The following EYS variants were observed in gnomAD, a reference collection of about 807,000 sequenced individuals.
The protein encoded by EYS is EGF-like photoreceptor maintenance factor.
In EYS, 250 loss-of-function variants were observed where a neutral mutation model predicts 282.1. That is an observed-to-expected ratio of 0.89 (90% CI 0.80 to 0.98). The LOEUF is 0.98. Ranked by LOEUF, EYS falls within the 50% of genes least tolerant of loss-of-function variation. The pLI, the probability that EYS is intolerant of heterozygous loss-of-function variation, is 0.00. For synonymous variants in EYS, 1,355 were observed against 1,282.9 expected, an observed-to-expected ratio of 1.06 and a Z score of -1.20; for missense variants, 4,016 against 3,709.0, an observed-to-expected ratio of 1.08 and a Z score of -2.15.
chr6:64,800,985 C>T (rs918910059), intron 22 of EYS, among the ~76,000 whole-genome samples: 10 of 152,036 alleles, frequency 6.6e-5, no homozygotes, highest in East Asian at 1.9e-4. Context: ...CTATTTTTTA[C>T]GCCCCTCTCA....
chr6:64,442,985 A>G (rs1299788755), intron 26 of EYS, among the ~76,000 whole-genome samples: 5 of 152,196 alleles, frequency 3.3e-5, no homozygotes, highest in Admixed American at 3.3e-4. Context: ...ACCATTCTCC[A>G]GAACTCAGAA....
chr6:63,727,706 CAAAAAAA>C (rs1169878020), intron 41 of EYS, among the ~76,000 whole-genome samples: 1 of 9,526 alleles, frequency 1.0e-4, no homozygotes, highest in Non-Finnish European at 1.6e-4. Context: ...CACCATCTCT[CAAAAAAA>C]AAAAAAAAAA....
chr6:65,345,205 A>G (rs1770348550), intron 9 of EYS, among the ~76,000 whole-genome samples: 1 of 151,810 alleles, frequency 6.6e-6, no homozygotes, highest in African/African-American at 2.4e-5. Flanking sequence ...TATGTATGTA[A>G]TTTGACTGTT....
At chr6:64,145,437 T>A in intron 31 of EYS, among the ~76,000 whole-genome samples, 1 of 152,164 alleles carries the variant, frequency 6.6e-6, no homozygotes, top group East Asian at 1.9e-4. Context: ...GATTACCATG[T>A]TCATTATATG....
chr6:63,802,217 C>G (rs945696866), intron 37 of EYS, among the ~76,000 whole-genome samples: 1 of 152,072 alleles, frequency 6.6e-6, no homozygotes, highest in Non-Finnish European at 1.5e-5. Context: ...CCAATAATTA[C>G]ATACCTTAGT....
At chr6:64,821,853 CAG>C (rs1479751555) in intron 20 of EYS, 130 bp from the exon 21 acceptor site, 1 of 502,102 alleles carries the variant, frequency 2.0e-6, no homozygotes, top group Non-Finnish European at 3.6e-6. Context: ...CAATACAAAG[CAG>C]AGTTTATTCC....
At chr6:65,150,557 T>C (rs1207377802) in intron 12 of EYS, among the ~76,000 whole-genome samples, 1 of 151,990 alleles carries the variant, frequency 6.6e-6, no homozygotes, top group African/African-American at 2.4e-5. Flanking sequence ...CAAGATTTCT[T>C]TTCCTTCACT....
At chr6:64,443,359 G>C (rs1464302201) in intron 26 of EYS, among the ~76,000 whole-genome samples, 1 of 152,174 alleles carries the variant, frequency 6.6e-6, no homozygotes, top group South Asian at 2.1e-4. Flanking sequence ...GGCTCATAGT[G>C]GGGAGGGACT....
chr6:64,663,551 G>A (rs183980887), intron 22 of EYS, among the ~76,000 whole-genome samples: 2 of 152,168 alleles, frequency 1.3e-5, no homozygotes, highest in East Asian at 3.9e-4. Flanking sequence ...CCTCCCTTTG[G>A]ACCTGGCTGA....
chr6:65,111,416 T>G (rs1187893971), intron 12 of EYS, among the ~76,000 whole-genome samples: 1 of 152,186 alleles, frequency 6.6e-6, no homozygotes, highest in African/African-American at 2.4e-5. Context: ...CCTAGCAATA[T>G]AGACAAAATA....
chr6:64,386,627 C>T (rs1272914649), intron 29 of EYS, among the ~76,000 whole-genome samples: 1 of 152,068 alleles, frequency 6.6e-6, no homozygotes, highest in Non-Finnish European at 1.5e-5. Context: ...GATAAACCTG[C>T]CGTTTTCCCT....
intron 15 of EYS, among the ~76,000 whole-genome samples, chr6:64,919,394 TC>T (rs1228821474): frequency 2.1e-5 from 3 of 145,196 alleles, no homozygotes; most frequent in African/African-American, 7.6e-5. Context: ...GGGCAAACCT[TC>T]CTTTTTTATG....
chr6:64,877,886 T>C (rs978379164), intron 19 of EYS, among the ~76,000 whole-genome samples: 2 of 152,106 alleles, frequency 1.3e-5, no homozygotes, highest in African/African-American at 2.4e-5. Flanking sequence ...AGTGATATAG[T>C]ATGGAGAGAA....
At chr6:64,958,544 G>A (rs575083899) in intron 14 of EYS, among the ~76,000 whole-genome samples, 2 of 151,680 alleles carry the variant, frequency 1.3e-5, no homozygotes, top group Admixed American at 6.6e-5. Flanking sequence ...TCAGGAGATC[G>A]AGACCACGGT....
chr6:63,875,950 GT>G (rs1326377265), intron 35 of EYS, among the ~76,000 whole-genome samples: 7 of 152,240 alleles, frequency 4.6e-5, no homozygotes, highest in African/African-American at 1.7e-4. Flanking sequence ...TTTTTGAGGA[GT>G]TTTTTGTGTC....
intron 19 of EYS, among the ~76,000 whole-genome samples, chr6:64,884,721 T>C (rs907055959): frequency 6.6e-6 from 1 of 151,654 alleles, no homozygotes; most frequent in Admixed American, 6.6e-5. Flanking sequence ...GTAACTTTCT[T>C]GAGGGGGAAA....
At chr6:65,481,689 C>T (rs1765611725) in intron 5 of EYS, among the ~76,000 whole-genome samples, 1 of 152,172 alleles carries the variant, frequency 6.6e-6, no homozygotes, top group Non-Finnish European at 1.5e-5. Context: ...GCTGGGACTA[C>T]AGGTGCCCGC....
chr6:63,956,512 C>T (rs764281855), intron 35 of EYS, among the ~76,000 whole-genome samples: 22 of 152,156 alleles, frequency 1.4e-4, no homozygotes, highest in Non-Finnish European at 2.6e-4. Context: ...TTCACATGGA[C>T]GTGCATGACA....
At chr6:64,909,456 T>A (rs1583284631) in intron 16 of EYS, among the ~76,000 whole-genome samples, 1 of 152,190 alleles carries the variant, frequency 6.6e-6, no homozygotes, top group Non-Finnish European at 1.5e-5. Context: ...TTTCTATTTA[T>A]TAAAGCTAAT....
Sources: gnomAD v4.1 joint callset for allele counts (sites outside exome capture counted in the v4.1 genomes callset) on GRCh38, gnomAD v4.1.1 for gene constraint, MANE v1.5 for transcripts, NCBI Gene and HGNC (gene_info 2026-07-23, HGNC 2026-07-21) for gene names.